The following C7orf57 variants were observed in gnomAD, a reference collection of about 807,000 sequenced individuals.
The protein encoded by C7orf57 is uncharacterized protein C7orf57.
A neutral mutation model predicts 39.0 loss-of-function variants in C7orf57; 33 were observed. That is an observed-to-expected ratio of 0.85 (90% CI 0.64 to 1.13). The LOEUF is 1.13. C7orf57 is among the 50% of genes most tolerant of loss of function. The pLI is 0.00. For synonymous variants in C7orf57, 124 were observed against 137.1 expected, an observed-to-expected ratio of 0.90 and a Z score of 0.67; for missense variants, 346 against 362.3, an observed-to-expected ratio of 0.95 and a Z score of 0.37.
At chr7:48,057,009 G>C (rs1340935452) in intron 8 of C7orf57, among the ~76,000 whole-genome samples, 1 of 149,152 alleles carries the variant, frequency 6.7e-6, no homozygotes, top group African/African-American at 2.5e-5. Context: ...GTACCATGCT[G>C]TTTTGCTTAC....
chr7:48,038,183 A>G (rs1790439863), intron 2 of C7orf57, among the ~76,000 whole-genome samples: 1 of 152,160 alleles, frequency 6.6e-6, no homozygotes, highest in Non-Finnish European at 1.5e-5. Flanking sequence ...TACATACTTA[A>G]AAGATTGTCT....
intron 2 of C7orf57, 54 bp downstream of exon 2, chr7:48,036,417 G>GCT: frequency 6.8e-7 from 1 of 1,473,134 alleles, no homozygotes; most frequent in Non-Finnish European, 9.1e-7. Flanking sequence ...CGTGCACTCT[G>GCT]CTTGCTAGAC....
chr7:48,050,448 G>A (rs1195272924), intron 6 of C7orf57, among the ~76,000 whole-genome samples: 1 of 152,194 alleles, frequency 6.6e-6, no homozygotes, highest in Non-Finnish European at 1.5e-5. Context: ...TCCTCCAGCT[G>A]CAGAGTGAAA....
At chr7:48,043,804 G>A (rs539660072) in intron 4 of C7orf57, among the ~76,000 whole-genome samples, 1 of 152,136 alleles carries the variant, frequency 6.6e-6, no homozygotes, top group Non-Finnish European at 1.5e-5. Flanking sequence ...TGCCACCCTA[G>A]AGTCTTGTGT....
intron 8 of C7orf57, among the ~76,000 whole-genome samples, chr7:48,059,349 G>A (rs542741978): frequency 3.6e-4 from 55 of 152,144 alleles, no homozygotes; most frequent in African/African-American, 1.2e-3. Context: ...TCTTGTCAAG[G>A]CTTCTTATTT....
rs765835328 is a variant in C7orf57, at chr7:48,049,973, C to A, written c.601C>A (p.Pro201Thr). Residue 201 changes from proline (P) to threonine (T), a missense_variant, in exon 6 of 9, where the codon CCC becomes ACC. Transcript: ENST00000348904. ...TGCAGGAAGTAGACTCTCCTTCCCC[C>A]CCGTGTAAGTGCTTGAGCTACGCCC... Reference protein sequence around the residue: ...NPAGSRLSFPPVPGQKNSSPT... With the variant: ...NPAGSRLSFPTVPGQKNSSPT... 1.2e-5 allele frequency: 19 copies of A among 1,605,052 alleles called. No homozygotes were observed. The highest frequency in any genetic ancestry group is 3.3e-4 in the Middle Eastern group (2 of 6,076).
At chr7:48,059,185 C>A (rs1240304261) in intron 8 of C7orf57, among the ~76,000 whole-genome samples, 2 of 152,148 alleles carry the variant, frequency 1.3e-5, no homozygotes, top group East Asian at 3.9e-4. Flanking sequence ...ATTTTCCTTC[C>A]TGTATTTCAT....
intron 2 of C7orf57, among the ~76,000 whole-genome samples, chr7:48,036,889 G>A (rs1170546621): frequency 6.6e-6 from 1 of 152,058 alleles, no homozygotes; most frequent in Non-Finnish European, 1.5e-5. Flanking sequence ...TGAAGTGGAG[G>A]AGAGGGGAAG....
chr7:48,053,945 A>C (rs1409752109), intron 7 of C7orf57, among the ~76,000 whole-genome samples: 2 of 152,196 alleles, frequency 1.3e-5, no homozygotes, highest in Non-Finnish European at 2.9e-5. Context: ...ATACCTCTTC[A>C]GACATTTGAA....
At chr7:48,057,334 T>C (rs1176957073) in intron 8 of C7orf57, among the ~76,000 whole-genome samples, 2 of 152,180 alleles carry the variant, frequency 1.3e-5, no homozygotes, top group African/African-American at 4.8e-5. Flanking sequence ...AGTGTACAGG[T>C]CTTTCACCTC....
chr7:48,035,666 C>T lies in C7orf57; in HGVS notation c.-102+36C>T. The T allele has an allele frequency of 1.6e-6, 1 of 639,316 alleles. No homozygotes were observed. The highest frequency in any genetic ancestry group is 2.3e-5 in the Admixed American group (1 of 43,154). 39.6% of individuals were successfully genotyped at this position (639,316 alleles called of 1,614,324 possible). A position where few individuals can be genotyped will look rare whatever the true frequency, so the allele number is the denominator to read the frequency against. ...GCGGGCTGGAGGACAATGGGGGCGC[C>T]CACTGTGGTCCCGGGCCTTGTCCAC... On this transcript the variant is annotated intron_variant, in intron 1 of 8. Transcript: ENST00000348904. This position sits in a 1 kb window ranked among gnomAD's most constrained non-coding sequence, Gnocchi z 4.0.
intron 4 of C7orf57, among the ~76,000 whole-genome samples, chr7:48,043,891 C>G (rs964841593): frequency 1.3e-5 from 2 of 151,810 alleles, no homozygotes; most frequent in Non-Finnish European, 2.9e-5. Context: ...AAGATGGTGG[C>G]GGGCTGCTTC....
chr7:48,035,751 T>C lies in C7orf57; in HGVS notation c.-102+121T>C. 1.7e-6 allele frequency: 1 copy of C among 583,154 alleles called. No homozygotes were observed. The highest frequency in any genetic ancestry group is 2.0e-5 in the South Asian group (1 of 49,856). 36.1% of individuals were successfully genotyped at this position (583,154 alleles called of 1,614,324 possible). On this transcript the variant is annotated intron_variant, in intron 1 of 8. Coordinates refer to ENST00000348904, the MANE Select transcript of C7orf57 (RefSeq NM_001100159.3). This position sits in a 1 kb window ranked among gnomAD's most constrained non-coding sequence, Gnocchi z 4.0. Reference sequence around the variant, plus strand: ...GGGCTGGAGGGAGGGGACCACCTTGTCGCCGGGTTGGGATGAGCACAGGGC... The same window carrying C: ...GGGCTGGAGGGAGGGGACCACCTTGCCGCCGGGTTGGGATGAGCACAGGGC...
intron 5 of C7orf57, among the ~76,000 whole-genome samples, chr7:48,049,034 G>T (rs1381125109): frequency 6.6e-6 from 1 of 151,926 alleles, no homozygotes; most frequent in Non-Finnish European, 1.5e-5. Flanking sequence ...ACCCCCCTCC[G>T]GGCTGAAAGA....
At chr7:48,037,624 A>C (rs900061357) in intron 2 of C7orf57, among the ~76,000 whole-genome samples, 1 of 152,198 alleles carries the variant, frequency 6.6e-6, no homozygotes, top group African/African-American at 2.4e-5. Context: ...ATGGCAAATG[A>C]GAAGGCAGGG....
At position 48,060,318 on chromosome 7, in the gene C7orf57, A is replaced by G. The variant is rs1583829052; in HGVS notation, c.*46A>G. The G allele has an allele frequency of 4.9e-6, 6 of 1,215,898 alleles. No homozygotes were observed. The highest frequency in any genetic ancestry group is 5.8e-6 in the Non-Finnish European group (5 of 858,850). The allele number at this position is 1,215,898 out of a possible 1,614,324, so 75.3% of individuals were successfully genotyped here. On this transcript the variant is annotated 3_prime_UTR_variant, in exon 9 of 9. Coordinates refer to ENST00000348904, the MANE Select transcript of C7orf57 (RefSeq NM_001100159.3). ...TAGGATAATTTTTAAATGGCTAAATATGACATGACTGTATTATAGCTATAT... is the reference window on the plus strand; with the variant it reads ...TAGGATAATTTTTAAATGGCTAAATGTGACATGACTGTATTATAGCTATAT...
rs367644498 is a variant in C7orf57, at chr7:48,041,360, C to T, written c.82C>T (p.Arg28Cys). ...TTGGTATTACCACGTCCCAGTGAAG[C>T]GCTCTGAGAAGGCCGTGGATGCCCC... Reference protein sequence around the residue: ...CDWYYHVPVKRSEKAVDAPPA... With the variant: ...CDWYYHVPVKCSEKAVDAPPA... The change falls in exon 3 of 9, where the codon CGC becomes TGC. Residue 28 changes from arginine to cysteine, a missense_variant. By Grantham distance (180) the Arg-to-Cys change is radical (BLOSUM62 -3). Coordinates refer to ENST00000348904, the MANE Select transcript of C7orf57 (RefSeq NM_001100159.3). The T allele has an allele frequency of 4.4e-5, 71 of 1,613,516 alleles. 1 individual carries two copies. The Middle Eastern group carries it at 1.6e-3, about 37-fold the overall frequency.
chr7:48,050,847 T>G (rs1790853299), intron 6 of C7orf57, among the ~76,000 whole-genome samples: 1 of 152,076 alleles, frequency 6.6e-6, no homozygotes, highest in South Asian at 2.1e-4. Flanking sequence ...TTTTTTATTT[T>G]TTGTAGAGAC....
chr7:48,046,368 G>A, intron 4 of C7orf57, 92 bp from the exon 5 acceptor site: 1 of 1,195,648 alleles, frequency 8.4e-7, no homozygotes, highest in Non-Finnish European at 1.2e-6. Context: ...GAAGGAGGGA[G>A]GGAAAGGGAG....
Sources: allele counts gnomAD v4.1 joint callset (sites outside exome capture counted in the v4.1 genomes callset), GRCh38; gene constraint gnomAD v4.1.1; non-coding constraint Gnocchi (gnomAD v3.1); transcripts MANE v1.5; gene names NCBI Gene and HGNC (gene_info 2026-07-23, HGNC 2026-07-21).